Variants in KIZ observed in about 807,000 individuals in gnomAD.
KIZ encodes the protein kizuna centrosomal protein.
In KIZ, 68 loss-of-function variants were observed where a neutral mutation model predicts 79.6. The observed-to-expected ratio is 0.85, with a 90% CI of 0.70 to 1.05. The LOEUF is 1.05. Among genes scored for constraint, KIZ ranks in the 50% least tolerant of loss-of-function variants. The probability of loss-of-function intolerance (pLI) is 0.00; values close to 1 mark genes in which losing one functional copy is unlikely to be tolerated. For missense variants in KIZ, 797 were observed against 800.4 expected, an observed-to-expected ratio of 1.00 and a Z score of 0.05; for synonymous variants, 280 against 281.8, an observed-to-expected ratio of 0.99 and a Z score of 0.06.
chr20:21,246,592 G>A lies in KIZ; in HGVS notation c.*16G>A, dbSNP rs376339561. 20 of 1,473,032 alleles carry A rather than the reference G, an allele frequency of 1.4e-5. No individual in the cohort carries two copies. In the African/African-American group the frequency reaches 2.5e-4, roughly 18 times the overall value. 91.2% of individuals were successfully genotyped at this position (1,473,032 alleles called of 1,614,324 possible). A position where few individuals can be genotyped will look rare whatever the true frequency, so the allele number is the denominator to read the frequency against. ...TTATGACTAACGTGCTGTGACATTGGTTTCAAATAAAGTCTTTAAACAAAC... is the reference window on the plus strand; with the variant it reads ...TTATGACTAACGTGCTGTGACATTGATTTCAAATAAAGTCTTTAAACAAAC... On this transcript the variant is annotated 3_prime_UTR_variant, in exon 13 of 13. Coordinates refer to ENST00000619189, the MANE Select transcript of KIZ (RefSeq NM_018474.6).
intron 9 of KIZ, among the ~76,000 whole-genome samples, chr20:21,217,187 G>T (rs1322091733): frequency 6.6e-6 from 1 of 152,144 alleles, no homozygotes; most frequent in Non-Finnish European, 1.5e-5. Context: ...CATTGTTAAG[G>T]TGTTACTGTT....
chr20:21,132,839 G>T (rs1162225088), intron 2 of KIZ: 1 of 152,162 alleles, frequency 6.6e-6, no homozygotes, highest in Non-Finnish European at 1.5e-5. Context: ...TACTGTAGTT[G>T]ATCTTTCAAG....
chr20:21,222,929 A>G (rs2036546769), intron 9 of KIZ, among the ~76,000 whole-genome samples: 1 of 152,208 alleles, frequency 6.6e-6, no homozygotes, highest in African/African-American at 2.4e-5. Flanking sequence ...GTTGAGGGGA[A>G]CAACATTATT....
chr20:21,153,924 T>C (rs542039453), intron 4 of KIZ: 1 of 152,306 alleles, frequency 6.6e-6, no homozygotes, highest in Non-Finnish European at 1.5e-5. Flanking sequence ...ACAGTGGGGA[T>C]TGGGACTTCA....
intron 4 of KIZ, among the ~76,000 whole-genome samples, 191 bp downstream of exon 4, chr20:21,145,845 GTTAC>G (rs2032819299): frequency 6.6e-6 from 1 of 152,168 alleles, no homozygotes; most frequent in South Asian, 2.1e-4. Flanking sequence ...CTGAAAGGGT[GTTAC>G]TTTGTGAAGA....
chr20:21,166,623 A>ATTTT, intron 6 of KIZ: 1 of 758,164 alleles, frequency 1.3e-6, no homozygotes, highest in Non-Finnish European at 2.1e-6. Context: ...GAGCTTTTGT[A>ATTTT]TTTTTTTTTT....
At chr20:21,202,985 C>T (rs1004598951) in intron 6 of KIZ, among the ~76,000 whole-genome samples, 1 of 152,186 alleles carries the variant, frequency 6.6e-6, no homozygotes, top group African/African-American at 2.4e-5. Flanking sequence ...TATCATTTCA[C>T]TCACAAATAC....
chr20:21,207,538 C>T (rs2035881825), intron 7 of KIZ, among the ~76,000 whole-genome samples: 1 of 143,766 alleles, frequency 7.0e-6, no homozygotes, highest in South Asian at 2.2e-4. Context: ...CTCTTTCTCT[C>T]TTTTCCCTCT....
intron 6 of KIZ, among the ~76,000 whole-genome samples, chr20:21,177,179 C>G (rs902786989): frequency 6.6e-6 from 1 of 152,134 alleles, no homozygotes; most frequent in Non-Finnish European, 1.5e-5. Flanking sequence ...AATCTCTGTA[C>G]TGTTTTCTAT....
chr20:21,223,661 C>G lies in KIZ; in HGVS notation c.1679-5350C>G, dbSNP rs138584982. 1.4e-3 allele frequency among the ~76,000 whole-genome samples: 213 copies of G among 149,468 alleles called. 1 individual carries two copies. Among genetic ancestry groups the G allele is most frequent in the African/African-American group, 5.2e-3 (211 of 40,380 alleles). ...AGCAGCCATATCCTATTTTCTCTCTCTCTCTTTTTTTTTTTTTTTTTTTTC... is the reference window on the plus strand; with the variant it reads ...AGCAGCCATATCCTATTTTCTCTCTGTCTCTTTTTTTTTTTTTTTTTTTTC... On this transcript the variant is annotated intron_variant, in intron 9 of 12. Transcript: ENST00000619189.
At chr20:21,207,464 G>A (rs1474227358) in intron 7 of KIZ, among the ~76,000 whole-genome samples, 2 of 94,686 alleles carry the variant, frequency 2.1e-5, no homozygotes, top group Non-Finnish European at 3.7e-5. Context: ...CCCCATCTTC[G>A]TACCCCCCTC....
chr20:21,218,039 C>G (rs983204171), intron 9 of KIZ: 1 of 152,220 alleles, frequency 6.6e-6, no homozygotes, highest in Non-Finnish European at 1.5e-5. Flanking sequence ...AAGCACAGTA[C>G]TGCTGCAATA....
chr20:21,237,636 T>A (rs2037064124), intron 11 of KIZ, among the ~76,000 whole-genome samples: 1 of 152,196 alleles, frequency 6.6e-6, no homozygotes, highest in African/African-American at 2.4e-5. Flanking sequence ...GGAATGCTCT[T>A]GCCCCACTCT....
upstream of KIZ, chr20:21,126,061 A>G (rs1414532036): frequency 3.6e-6 from 5 of 1,398,634 alleles, no homozygotes; most frequent in Admixed American, 8.7e-5. Context: ...TCCTTCGGCA[A>G]CCCCGGCCGA....
rs587777376 is a variant in KIZ at position 21,126,167 on chromosome 20, G to T, written c.52G>T (p.Glu18Ter). The T allele has an allele frequency of 4.6e-6, 7 of 1,508,932 alleles. No individual in the cohort carries two copies. Among genetic ancestry groups the T allele is most frequent in the Non-Finnish European group, 6.2e-6 (7 of 1,127,410 alleles). 93.5% of individuals were successfully genotyped at this position (1,508,932 alleles called of 1,614,324 possible). A position where few individuals can be genotyped will look rare whatever the true frequency, so the allele number is the denominator to read the frequency against. Reference sequence around the variant, plus strand: ...GCCCCTGTCGAGTCCCGACTACTACGAGAGGCTGGGCCAACTCCAGCACGG... The same window carrying T: ...GCCCCTGTCGAGTCCCGACTACTACTAGAGGCTGGGCCAACTCCAGCACGG... ...AVPLSSPDYYERLGQLQHGLR... is the reference protein window; with the variant it reads ...AVPLSSPDYY The change falls in exon 1 of 13, where the codon GAG (glutamate) becomes TAG (stop). Residue 18 changes from glutamate (E) to a stop codon, truncating the protein, a stop_gained. Transcript: ENST00000619189. LOFTEE classifies it high-confidence loss of function.
At chr20:21,199,444 C>T (rs373249233) in intron 6 of KIZ, among the ~76,000 whole-genome samples, 1 of 152,248 alleles carries the variant, frequency 6.6e-6, no homozygotes, top group Admixed American at 6.5e-5. Flanking sequence ...TGTTCTGCTA[C>T]AGCTAGAATT....
At chr20:21,180,289 T>C (rs948632274) in intron 6 of KIZ, among the ~76,000 whole-genome samples, 5 of 151,790 alleles carry the variant, frequency 3.3e-5, no homozygotes, top group African/African-American at 9.7e-5. Flanking sequence ...AAAAAGATGA[T>C]GACGATGACA....
chr20:21,174,651 C>G (rs1460141287), intron 6 of KIZ, among the ~76,000 whole-genome samples: 1 of 152,154 alleles, frequency 6.6e-6, no homozygotes, highest in Non-Finnish European at 1.5e-5. Context: ...AAAGTACTTG[C>G]AAAGTTGCTT....
chr20:21,222,715 G>T (rs1446031951), intron 9 of KIZ, among the ~76,000 whole-genome samples: 2 of 152,170 alleles, frequency 1.3e-5, no homozygotes, highest in East Asian at 1.9e-4. Context: ...TATAAGCCCT[G>T]TCTCTGCCTC....
Sources: allele counts gnomAD v4.1 joint callset (sites outside exome capture counted in the v4.1 genomes callset), GRCh38; gene constraint gnomAD v4.1.1; transcripts MANE v1.5; gene names NCBI Gene and HGNC (gene_info 2026-07-23, HGNC 2026-07-21).